The following POU2F1 variants were observed in gnomAD, a reference collection of about 807,000 sequenced individuals.
The protein encoded by POU2F1 is POU class 2 homeobox 1.
Under a neutral mutation model 84.9 loss-of-function variants are expected in POU2F1, and 16 were observed. That is an observed-to-expected ratio of 0.19 (90% CI 0.13 to 0.29). The LOEUF is 0.29. Among genes scored for constraint, POU2F1 ranks in the 10% least tolerant of loss-of-function variants. POU2F1 has a pLI of 1.00. For synonymous variants in POU2F1, 368 were observed against 368.3 expected (o/e 1.00, Z 0.01); for missense variants, 738 against 942.6 (o/e 0.78, Z 2.84).
chr1:167,372,106 T>G, intron 5 of POU2F1, 70 bp downstream of exon 5: 1 of 1,547,340 alleles, frequency 6.5e-7, no homozygotes, highest in Middle Eastern at 1.9e-4. Context: ...AATAGCTGAT[T>G]AGAATTGTTC....
chr1:167,364,304 G>A (rs1379362515), intron 2 of POU2F1, among the ~76,000 whole-genome samples: 1 of 151,902 alleles, frequency 6.6e-6, no homozygotes, highest in Non-Finnish European at 1.5e-5. Context: ...GCCGAGGCGG[G>A]CGGATCACGA....
chr1:167,374,793 C>T (rs527708184), intron 6 of POU2F1, among the ~76,000 whole-genome samples: 10 of 152,148 alleles, frequency 6.6e-5, no homozygotes, highest in South Asian at 2.1e-4. Flanking sequence ...AAGCGCCAGG[C>T]GCGGTGGCTC....
intron 1 of POU2F1, among the ~76,000 whole-genome samples, chr1:167,224,226 A>T (rs1648453527): frequency 6.6e-6 from 1 of 152,246 alleles, no homozygotes; most frequent in South Asian, 2.1e-4. Flanking sequence ...AGATAGTCAT[A>T]GAAGTGACCC....
At position 167,412,281 on chromosome 1, in the gene POU2F1, G is replaced by A. The variant is rs1274380600; in HGVS notation, c.1878G>A (p.Met626Ile). The A allele has an allele frequency of 1.3e-6, 2 of 1,561,364 alleles. No homozygotes were observed. The highest frequency in any genetic ancestry group is 1.7e-6 in the Non-Finnish European group (2 of 1,150,380). ...CTGCAGGACTAAACCCAAGCCTGATGGCACCCTCACAGTTTGCGGCTGGGT... is the reference window on the plus strand; with the variant it reads ...CTGCAGGACTAAACCCAAGCCTGATAGCACCCTCACAGTTTGCGGCTGGGT... ...AAAAGLNPSL[M>I]APSQFAAGGA... The change falls in exon 14 of 16, where the codon ATG becomes ATA. Residue 626 changes from methionine (M) to isoleucine (I), a missense_variant. Transcript: ENST00000367866.
At chr1:167,391,559 CTTTTTTTTTTTTTTTTT>C (rs1175783404) in intron 9 of POU2F1, among the ~76,000 whole-genome samples, 2 of 57,876 alleles carry the variant, frequency 3.5e-5, no homozygotes, top group African/African-American at 1.4e-4. Flanking sequence ...TTATATATAT[CTTTTTTTTTTTTTTTTT>C]TTTTTTTTTT....
chr1:167,404,581 A>C (rs1649438988), intron 13 of POU2F1, among the ~76,000 whole-genome samples: 1 of 152,200 alleles, frequency 6.6e-6, no homozygotes, highest in South Asian at 2.1e-4. Flanking sequence ...TTTCAAGAGT[A>C]GGTGACTTTG....
chr1:167,346,721 C>T (rs1571341272), intron 2 of POU2F1, among the ~76,000 whole-genome samples: 2 of 152,312 alleles, frequency 1.3e-5, no homozygotes, highest in East Asian at 1.9e-4. Flanking sequence ...CCACTCACCT[C>T]CTGCTGTGCA....
At position 167,331,142 on chromosome 1, in the gene POU2F1, C is replaced by T. The variant is rs867608603; in HGVS notation, c.62-1328C>T. 6.6e-5 allele frequency among the ~76,000 whole-genome samples: 10 copies of T among 152,128 alleles called. No homozygotes were observed. In the South Asian group the frequency reaches 8.3e-4, roughly 13 times the overall value. On this transcript the variant is annotated intron_variant, in intron 1 of 15. Transcript: ENST00000367866. ...ATGACCACAAACATATGAATTTTAA[C>T]CCTTTGAACATTAGAAGACCAAACC...
intron 2 of POU2F1, among the ~76,000 whole-genome samples, chr1:167,345,071 G>A (rs1036159336): frequency 1.3e-5 from 2 of 152,136 alleles, no homozygotes; most frequent in Non-Finnish European, 2.9e-5. Flanking sequence ...GTGAGGGGAG[G>A]GAACTTAGAG....
chr1:167,306,386 A>C (rs1422948712), intron 1 of POU2F1, among the ~76,000 whole-genome samples: 1 of 152,214 alleles, frequency 6.6e-6, no homozygotes, highest in Admixed American at 6.5e-5. Flanking sequence ...GAAATACTCA[A>C]GAGCATCGCT....
chr1:167,339,391 C>T (rs1657686663), intron 2 of POU2F1, among the ~76,000 whole-genome samples: 1 of 152,080 alleles, frequency 6.6e-6, no homozygotes, highest in Non-Finnish European at 1.5e-5. Context: ...AAGATTTTCT[C>T]CTAAATTAAA....
chr1:167,376,121 G>A lies in POU2F1; in HGVS notation c.684G>A (p.Gln228=), dbSNP rs1557938947. 2 of 1,614,216 alleles carry A rather than the reference G, an allele frequency of 1.2e-6. No homozygotes were observed. Among genetic ancestry groups the A allele is most frequent in the Non-Finnish European group, 1.7e-6 (2 of 1,180,040 alleles). The change falls in exon 7 of 16, where the codon CAG becomes CAA. Residue 228 remains glutamine (Q), a synonymous_variant. Transcript: ENST00000367866. ...VHPTTNLQPA[Q]FIISQTPQGQ... ...CAACCACCAATTTGCAGCCAGCGCA[G>A]TTTATCATCTCACAGACGCCCCAGG...
chr1:167,378,573 A>AT (rs1054631397), intron 7 of POU2F1, among the ~76,000 whole-genome samples: 26 of 151,190 alleles, frequency 1.7e-4, no homozygotes, highest in African/African-American at 5.6e-4. Context: ...TGCTGGGCTA[A>AT]TTTTTGGTTT....
intron 2 of POU2F1, among the ~76,000 whole-genome samples, chr1:167,340,484 T>C (rs1571330322): frequency 7.0e-6 from 1 of 143,606 alleles, no homozygotes; most frequent in Non-Finnish European, 1.5e-5. Flanking sequence ...CAGGCTGGAG[T>C]GTAGTGGCAC....
At chr1:167,340,839 T>C (rs1416640197) in intron 2 of POU2F1, among the ~76,000 whole-genome samples, 1 of 152,172 alleles carries the variant, frequency 6.6e-6, no homozygotes, top group Non-Finnish European at 1.5e-5. Flanking sequence ...AGAAAACATA[T>C]ATGAAAATGT....
At chr1:167,267,412 G>T (rs942022388) in intron 1 of POU2F1, among the ~76,000 whole-genome samples, 1 of 151,696 alleles carries the variant, frequency 6.6e-6, no homozygotes, top group Non-Finnish European at 1.5e-5. Flanking sequence ...AACTAAAACC[G>T]TGAGACAGTG....
At chr1:167,376,942 C>T (rs1660367542) in intron 7 of POU2F1, among the ~76,000 whole-genome samples, 1 of 152,148 alleles carries the variant, frequency 6.6e-6, no homozygotes, top group South Asian at 2.1e-4. Flanking sequence ...GATATGCACA[C>T]AATGCTATGG....
At chr1:167,322,736 A>G (rs1332570158) in intron 1 of POU2F1, among the ~76,000 whole-genome samples, 2 of 152,192 alleles carry the variant, frequency 1.3e-5, no homozygotes, top group Non-Finnish European at 2.9e-5. Flanking sequence ...GCCACAAACA[A>G]AGCTTTACCC....
At chr1:167,309,910 A>G (rs549121003) in intron 1 of POU2F1, among the ~76,000 whole-genome samples, 2 of 152,290 alleles carry the variant, frequency 1.3e-5, no homozygotes, top group Admixed American at 6.5e-5. Flanking sequence ...TCCATCATTT[A>G]TGAAGAACAA....
Sources: allele counts gnomAD v4.1 joint callset (sites outside exome capture counted in the v4.1 genomes callset), GRCh38; gene constraint gnomAD v4.1.1; transcripts MANE v1.5; gene names NCBI Gene and HGNC (gene_info 2026-07-23, HGNC 2026-07-21).